TRAPPC9: variants seen among roughly 807,000 people sequenced by gnomAD.
TRAPPC9 encodes the protein trafficking protein particle complex subunit 9, also known as IKK2 binding protein.
A neutral mutation model predicts 124.0 loss-of-function variants in TRAPPC9; 83 were observed. The ratio of observed to expected loss-of-function variants is 0.67; its 90% CI spans 0.56 to 0.80. The LOEUF (loss-of-function observed/expected upper bound fraction) is 0.80, where lower values mean the gene tolerates loss of function less well. TRAPPC9 is among the 30% of genes least tolerant of loss of function. The probability of loss-of-function intolerance (pLI) is 0.00; values close to 1 mark genes in which losing one functional copy is unlikely to be tolerated. For missense variants in TRAPPC9, 1,302 were observed against 1,508.3 expected (o/e 0.86, Z 2.27); for synonymous variants, 638 against 617.5 (o/e 1.03, Z -0.49).
intron 12 of TRAPPC9, among the ~76,000 whole-genome samples, chr8:140,287,997 A>G (rs1391504289): frequency 6.6e-6 from 1 of 152,214 alleles, no homozygotes; most frequent in African/African-American, 2.4e-5. Context: ...TCATTTTACC[A>G]AATGGGAATG....
chr8:140,060,568 C>G (rs1402996417), intron 17 of TRAPPC9, among the ~76,000 whole-genome samples: 1 of 151,522 alleles, frequency 6.6e-6, no homozygotes, highest in African/African-American at 2.4e-5. Flanking sequence ...CCGTCCCAAC[C>G]CAGCCCTACC....
At chr8:139,797,505 C>T (rs1207205345) in intron 21 of TRAPPC9, among the ~76,000 whole-genome samples, 1 of 152,132 alleles carries the variant, frequency 6.6e-6, no homozygotes, top group Admixed American at 6.6e-5. Context: ...GGTGATTGGC[C>T]TACCTAAACC....
At chr8:139,838,159 C>T (rs1246546864) in intron 21 of TRAPPC9, among the ~76,000 whole-genome samples, 1 of 152,214 alleles carries the variant, frequency 6.6e-6, no homozygotes, top group Non-Finnish European at 1.5e-5. Context: ...CGCTCTCCAT[C>T]CGTGACTTGC....
intron 17 of TRAPPC9, among the ~76,000 whole-genome samples, chr8:140,030,612 A>G (rs1840440480): frequency 6.6e-6 from 1 of 152,232 alleles, no homozygotes; most frequent in Non-Finnish European, 1.5e-5. Context: ...TCCATGTCCA[A>G]CAAGAGGTAG....
chr8:139,997,068 C>T (rs1313619758), intron 18 of TRAPPC9, among the ~76,000 whole-genome samples: 1 of 152,084 alleles, frequency 6.6e-6, no homozygotes, highest in East Asian at 1.9e-4. Context: ...TTTTTTAATC[C>T]CTGCCTGGAA....
At chr8:139,963,734 G>A (rs1384907112) in intron 19 of TRAPPC9, among the ~76,000 whole-genome samples, 1 of 116,066 alleles carries the variant, frequency 8.6e-6, no homozygotes, top group Non-Finnish European at 1.6e-5. Context: ...GATTCCCTCC[G>A]AGAACCAGTT....
intron 17 of TRAPPC9, among the ~76,000 whole-genome samples, chr8:140,056,041 T>G (rs980594744): frequency 1.3e-5 from 2 of 151,674 alleles, no homozygotes; most frequent in African/African-American, 4.8e-5. Flanking sequence ...GCCAAAACCA[T>G]CTTGAAAAAC....
chr8:139,750,193 G>A (rs1244697864), intron 21 of TRAPPC9, among the ~76,000 whole-genome samples: 2 of 152,086 alleles, frequency 1.3e-5, no homozygotes, highest in African/African-American at 4.8e-5. Flanking sequence ...TGCTCCCCAG[G>A]CTTCTCTGAT....
intron 9 of TRAPPC9, among the ~76,000 whole-genome samples, chr8:140,351,814 G>T (rs1004237264): frequency 3.9e-5 from 6 of 152,128 alleles, no homozygotes; most frequent in Admixed American, 1.3e-4. Flanking sequence ...ACATGATCTG[G>T]TTCTAGCCAA....
intron 21 of TRAPPC9, among the ~76,000 whole-genome samples, chr8:139,879,634 A>C (rs896339273): frequency 3.3e-5 from 5 of 152,144 alleles, no homozygotes; most frequent in Admixed American, 6.5e-5. Flanking sequence ...CGGCCCCCGC[A>C]GGCTCTCCCC....
chr8:140,151,821 A>G (rs1473071587), intron 17 of TRAPPC9, among the ~76,000 whole-genome samples: 1 of 152,138 alleles, frequency 6.6e-6, no homozygotes, highest in Non-Finnish European at 1.5e-5. Context: ...TGACAGCAAT[A>G]TCTGTCTTCA....
At chr8:140,101,979 A>C (rs761284491) in intron 17 of TRAPPC9, among the ~76,000 whole-genome samples, 2 of 151,882 alleles carry the variant, frequency 1.3e-5, no homozygotes, top group Non-Finnish European at 2.9e-5. Flanking sequence ...GTTGCTATTT[A>C]GAATGTCTTA....
chr8:140,109,991 G>A (rs2060734168), intron 17 of TRAPPC9, among the ~76,000 whole-genome samples: 3 of 152,100 alleles, frequency 2.0e-5, no homozygotes, highest in African/African-American at 7.3e-5. Flanking sequence ...ACCCTCTGCT[G>A]TGTTCCAAGA....
At chr8:139,799,697 T>A (rs1395139151) in intron 21 of TRAPPC9, among the ~76,000 whole-genome samples, 2 of 152,070 alleles carry the variant, frequency 1.3e-5, no homozygotes, top group Admixed American at 1.3e-4. Flanking sequence ...ACGGAAGAGC[T>A]CCCATGAGCT....
chr8:139,783,281 T>A (rs1285916714), intron 21 of TRAPPC9, among the ~76,000 whole-genome samples: 1 of 151,990 alleles, frequency 6.6e-6, no homozygotes, highest in Non-Finnish European at 1.5e-5. Flanking sequence ...AATCTATAAA[T>A]CTCTAGCCAA....
chr8:139,938,649 T>A (rs1833698895), intron 19 of TRAPPC9, among the ~76,000 whole-genome samples: 1 of 151,754 alleles, frequency 6.6e-6, no homozygotes, highest in Non-Finnish European at 1.5e-5. Context: ...ATTAATTTTT[T>A]TTTTTTTGAG....
intron 21 of TRAPPC9, among the ~76,000 whole-genome samples, chr8:139,859,237 G>T (rs1245856928): frequency 6.6e-6 from 1 of 152,024 alleles, no homozygotes; most frequent in East Asian, 1.9e-4. Flanking sequence ...GACCTGAGGG[G>T]TCTCTCCGTT....
At position 139,848,358 on chromosome 8, in the gene TRAPPC9, C is replaced by T. The variant is rs1264939683; in HGVS notation, c.3055+37521G>A. Among the ~76,000 whole-genome samples the T allele has an allele frequency of 2.6e-5, 4 of 152,188 alleles. No individual in the cohort carries two copies. In the East Asian group the frequency reaches 7.7e-4, roughly 29 times the overall value. On this transcript the variant is annotated intron_variant, in intron 21 of 22. Transcript: ENST00000438773. ...AGAAAATAGACGAAATACACACATG[C>T]ATGAGAGACATGCACACATGCACAC...
chr8:139,883,342 C>T (rs1055735769), intron 21 of TRAPPC9, among the ~76,000 whole-genome samples: 2 of 152,216 alleles, frequency 1.3e-5, no homozygotes, highest in Non-Finnish European at 2.9e-5. Context: ...TATAAATTAC[C>T]CAGTTTCAAG....
Sources: allele counts gnomAD v4.1 joint callset (sites outside exome capture counted in the v4.1 genomes callset), GRCh38; gene constraint gnomAD v4.1.1; transcripts MANE v1.5; gene names NCBI Gene and HGNC (gene_info 2026-07-23, HGNC 2026-07-21).